MYRIP: variants seen among roughly 807,000 people sequenced by gnomAD.
MYRIP encodes the protein rab effector MyRIP.
A neutral mutation model predicts 98.0 loss-of-function variants in MYRIP; 49 were observed. The observed-to-expected ratio is 0.50, with a 90% CI of 0.40 to 0.63. MYRIP has a LOEUF of 0.63. MYRIP is among the 30% of genes least tolerant of loss of function. MYRIP has a pLI of 0.00. For synonymous variants in MYRIP, 404 were observed against 409.5 expected, an observed-to-expected ratio of 0.99 and a Z score of 0.16; for missense variants, 1,004 against 1,058.2, an observed-to-expected ratio of 0.95 and a Z score of 0.71.
Position 40,064,956 on chromosome 3 carries a change from G to A in MYRIP, c.332+20685G>A, listed in dbSNP as rs117449161. ...AGAGTAATAACCCACAAACTTCCACGTTCCCTACAGATGAGTAACCTTAAC... is the reference window on the plus strand; with the variant it reads ...AGAGTAATAACCCACAAACTTCCACATTCCCTACAGATGAGTAACCTTAAC... On this transcript the variant is annotated intron_variant, in intron 3 of 16. Transcript: ENST00000302541. 8.1e-4 allele frequency among the ~76,000 whole-genome samples: 123 copies of A among 152,244 alleles called. 2 individuals carry two copies. In the East Asian group the frequency reaches 0.02, roughly 25 times the overall value.
At chr3:40,185,194 C>A (rs2371176) in intron 9 of MYRIP, among the ~76,000 whole-genome samples, 129,183 of 152,166 alleles carry the variant, frequency 0.85, 55,964 homozygotes, top group Middle Eastern at 0.94. Flanking sequence ...GGAGCCTGTT[C>A]GTGCACAGTT....
intron 3 of MYRIP, among the ~76,000 whole-genome samples, chr3:40,137,175 G>C (rs1195666813): frequency 6.6e-6 from 1 of 152,124 alleles, no homozygotes; most frequent in Non-Finnish European, 1.5e-5. Context: ...GAATCAAATA[G>C]ACGCAATAGA....
intron 3 of MYRIP, among the ~76,000 whole-genome samples, chr3:40,078,376 G>A (rs956094343): frequency 1.3e-5 from 2 of 152,196 alleles, no homozygotes; most frequent in Middle Eastern, 3.2e-3. Flanking sequence ...ACAGTGCAGC[G>A]GTGGGCTGAA....
intron 2 of MYRIP, among the ~76,000 whole-genome samples, chr3:39,903,745 C>G (rs1016171025): frequency 1.3e-5 from 2 of 152,210 alleles, no homozygotes; most frequent in African/African-American, 2.4e-5. Flanking sequence ...CATCCAAGAA[C>G]AGAGAGATTA....
chr3:40,048,263 A>G (rs1947712103), intron 3 of MYRIP, among the ~76,000 whole-genome samples: 1 of 152,106 alleles, frequency 6.6e-6, no homozygotes, highest in Non-Finnish European at 1.5e-5. Flanking sequence ...TTCACTCCCC[A>G]CTACCCATGA....
chr3:40,115,912 A>G (rs1479842759), intron 3 of MYRIP, among the ~76,000 whole-genome samples: 2 of 152,124 alleles, frequency 1.3e-5, no homozygotes, highest in African/African-American at 4.8e-5. Context: ...CACCAAAACT[A>G]GGCTCTGAGG....
intron 2 of MYRIP, among the ~76,000 whole-genome samples, chr3:39,931,374 A>C (rs1341193137): frequency 6.6e-6 from 1 of 150,706 alleles, no homozygotes; most frequent in African/African-American, 2.4e-5. Context: ...TTTTATATTG[A>C]TCTTTTACTT....
At chr3:39,832,002 CA>C (rs1439494957) in intron 1 of MYRIP, among the ~76,000 whole-genome samples, 3 of 152,132 alleles carry the variant, frequency 2.0e-5, no homozygotes, top group African/African-American at 7.2e-5. Flanking sequence ...CTCTGTTGGT[CA>C]GAAGGAAGTT....
intron 2 of MYRIP, among the ~76,000 whole-genome samples, chr3:39,912,932 C>T (rs1944058837): frequency 6.6e-6 from 1 of 152,112 alleles, no homozygotes; most frequent in Non-Finnish European, 1.5e-5. Flanking sequence ...TCCAGCTACT[C>T]AGGAGGCCGA....
At chr3:39,976,000 A>C (rs2125752077) in intron 2 of MYRIP, among the ~76,000 whole-genome samples, 1 of 152,348 alleles carries the variant, frequency 6.6e-6, no homozygotes, top group East Asian at 1.9e-4. Flanking sequence ...CAAGGACTTC[A>C]TGTCTAAAAC....
intron 11 of MYRIP, among the ~76,000 whole-genome samples, chr3:40,228,700 G>A (rs1262970673): frequency 1.3e-5 from 2 of 152,178 alleles, no homozygotes; most frequent in African/African-American, 2.4e-5. Flanking sequence ...TCTGCTCCAG[G>A]CACATGTACA....
intron 2 of MYRIP, among the ~76,000 whole-genome samples, chr3:40,025,385 G>T (rs1559369303): frequency 6.6e-6 from 1 of 152,022 alleles, no homozygotes; most frequent in Non-Finnish European, 1.5e-5. Context: ...ACCGTCAGGG[G>T]CAGCAAAATG....
intron 2 of MYRIP, among the ~76,000 whole-genome samples, chr3:40,013,570 A>G (rs1447050179): frequency 6.6e-6 from 1 of 152,200 alleles, no homozygotes; most frequent in Admixed American, 6.5e-5. Flanking sequence ...CTCACCAACT[A>G]TGGGAAGTGG....
chr3:40,166,710 C>G, intron 5 of MYRIP, 136 bp from the exon 6 acceptor site: 2 of 622,768 alleles, frequency 3.2e-6, no homozygotes, highest in South Asian at 1.9e-5. Flanking sequence ...GTGGGAAGGG[C>G]GAGGGCTTTG....
intron 3 of MYRIP, among the ~76,000 whole-genome samples, chr3:40,102,232 G>A (rs558774593): frequency 1.3e-5 from 2 of 152,302 alleles, no homozygotes; most frequent in Admixed American, 1.3e-4. Context: ...CTTCTGAGAT[G>A]AATGAGGGAA....
intron 3 of MYRIP, among the ~76,000 whole-genome samples, chr3:40,085,844 G>T (rs569966171): frequency 2.0e-5 from 3 of 152,100 alleles, no homozygotes; most frequent in African/African-American, 7.2e-5. Context: ...TTTGGTAACC[G>T]AAACAAAAAT....
intron 3 of MYRIP, among the ~76,000 whole-genome samples, chr3:40,100,946 T>C (rs963064174): frequency 6.6e-6 from 1 of 152,154 alleles, no homozygotes; most frequent in Non-Finnish European, 1.5e-5. Flanking sequence ...CATGAATGTA[T>C]AGACTTTAAA....
intron 11 of MYRIP, among the ~76,000 whole-genome samples, chr3:40,233,432 C>G (rs1952721862): frequency 6.6e-6 from 1 of 152,122 alleles, no homozygotes; most frequent in Non-Finnish European, 1.5e-5. Flanking sequence ...AATTTAGAGC[C>G]TGAACTGGAG....
rs768123977 is a variant in MYRIP at position 40,244,568 on chromosome 3, G to A, written c.2223G>A (p.Val741=). The A allele has an allele frequency of 4.3e-6, 7 of 1,613,766 alleles. No individual in the cohort carries two copies. The East Asian group carries it at 1.1e-4, about 26-fold the overall frequency. The stretch of plus-strand genomic sequence containing the variant: ...ATCTGGCGGATCTGGAGGACCAGGT[G>A]GCCACGGCTGCAGCCCAAGTCCACC... ...ETHLADLEDQ[V]ATAAAQVHHA... Residue 741 remains valine, a synonymous_variant, in exon 13 of 17, where the codon GTG becomes GTA. Transcript: ENST00000302541.
Sources: gnomAD v4.1 joint callset for allele counts (sites outside exome capture counted in the v4.1 genomes callset) on GRCh38, gnomAD v4.1.1 for gene constraint, MANE v1.5 for transcripts, NCBI Gene and HGNC (gene_info 2026-07-23, HGNC 2026-07-21) for gene names.